The following PCED1B variants were observed in gnomAD, a reference collection of about 807,000 sequenced individuals.
PCED1B encodes PC-esterase domain containing 1B.
For missense variants in PCED1B, 573 were observed against 573.9 expected (o/e 1.00, Z 0.02); for synonymous variants, 251 against 246.1 (o/e 1.02, Z -0.19).
At position 47,227,468 on chromosome 12, in the gene PCED1B, C is replaced by T. The variant is rs542250459; in HGVS notation, c.-57-7539C>T. Among the ~76,000 whole-genome samples the T allele has an allele frequency of 5.3e-4, 80 of 152,188 alleles. 1 individual carries two copies. In the South Asian group the frequency reaches 0.014, roughly 26 times the overall value. On this transcript the variant is annotated intron_variant, in intron 3 of 3. Transcript: ENST00000546455. ...GCTTACAGGCGAGAGCCACCGTGCCCGGCCCCATTTCGGGTTCTAACTGGA... is the reference window on the plus strand; with the variant it reads ...GCTTACAGGCGAGAGCCACCGTGCCTGGCCCCATTTCGGGTTCTAACTGGA...
intron 2 of PCED1B, among the ~76,000 whole-genome samples, chr12:47,170,991 C>A (rs1565580524): frequency 1.3e-5 from 2 of 150,612 alleles, no homozygotes. Flanking sequence ...CCAAATCACT[C>A]TTTTTTTCAC....
At chr12:47,162,767 T>A (rs1941427797) in intron 2 of PCED1B, among the ~76,000 whole-genome samples, 1 of 152,230 alleles carries the variant, frequency 6.6e-6, no homozygotes, top group African/African-American at 2.4e-5. Flanking sequence ...TAATAAGGCA[T>A]CTACGACCAT....
intron 2 of PCED1B, among the ~76,000 whole-genome samples, chr12:47,139,882 TC>T (rs1940527820): frequency 6.6e-6 from 1 of 152,080 alleles, no homozygotes; most frequent in South Asian, 2.1e-4. Context: ...TGTGTATGTA[TC>T]TGTGTGGTGT....
intron 1 of PCED1B, among the ~76,000 whole-genome samples, chr12:47,089,959 G>T (rs1364912708): frequency 6.6e-6 from 1 of 152,154 alleles, no homozygotes; most frequent in South Asian, 2.1e-4. Context: ...TTTCAGCAGA[G>T]ACAGGGTTTC....
rs187440217 is a variant in PCED1B at position 47,098,374 on chromosome 12, A to G, written c.-608-5739A>G. Among the ~76,000 whole-genome samples the G allele has an allele frequency of 1.9e-3, 290 of 152,384 alleles. 2 individuals are homozygous for G. Among genetic ancestry groups the G allele is most frequent in the Admixed American group, 4.6e-3 (71 of 15,308 alleles). On this transcript the variant is annotated intron_variant, in intron 1 of 3. Coordinates refer to ENST00000546455, the MANE Select transcript of PCED1B (RefSeq NM_138371.3). ...ACAACTAAAGCTACTTAAGAGCAAG[A>G]TTATAAATAGACAAAGCCAAAGTCT... is the stretch of plus-strand genomic sequence containing the variant.
chr12:47,123,689 C>A (rs1306715830), intron 2 of PCED1B, among the ~76,000 whole-genome samples: 1 of 152,040 alleles, frequency 6.6e-6, no homozygotes, highest in African/African-American at 2.4e-5. Context: ...AATGAGTGTT[C>A]TAAACACAGA....
At chr12:47,149,385 G>A (rs1220327785) in intron 2 of PCED1B, among the ~76,000 whole-genome samples, 1 of 152,158 alleles carries the variant, frequency 6.6e-6, no homozygotes, top group African/African-American at 2.4e-5. Flanking sequence ...GAGAAGCAGC[G>A]CAATAGTTGC....
At chr12:47,215,339 C>T (rs1943221651) in intron 2 of PCED1B, among the ~76,000 whole-genome samples, 2 of 151,382 alleles carry the variant, frequency 1.3e-5, no homozygotes, top group South Asian at 4.2e-4. Flanking sequence ...CTGCAACCTC[C>T]GCCTCCTGGG....
rs750761520 is a variant in PCED1B at position 47,235,961 on chromosome 12, C to T, written c.898C>T (p.Arg300Cys). 36 of 1,612,362 alleles carry T rather than the reference C, an allele frequency of 2.2e-5. No individual in the cohort carries two copies. Among genetic ancestry groups the T allele is most frequent in the Non-Finnish European group, 2.8e-5 (33 of 1,179,254 alleles). The stretch of plus-strand genomic sequence containing the variant: ...CCCACCCTTACCTTCCCCCACATAC[C>T]GCCCCCTGCTTGGGTTCCCACCCCA... ...LSPPLPSPTY[R>C]PLLGFPPQRL... The change falls in exon 4 of 4, where the codon CGC becomes TGC. Residue 300 changes from arginine (R) to cysteine (C), a missense_variant. Physicochemically the swap from Arg to Cys is radical, Grantham distance 180 (BLOSUM62 -3). Coordinates refer to ENST00000546455, the MANE Select transcript of PCED1B (RefSeq NM_138371.3).
intron 2 of PCED1B, among the ~76,000 whole-genome samples, chr12:47,112,544 G>A (rs187667397): frequency 8.5e-5 from 13 of 152,262 alleles, no homozygotes; most frequent in Non-Finnish European, 1.5e-4. Flanking sequence ...TTAACAAAAC[G>A]GTGATTTTAG....
intron 1 of PCED1B, among the ~76,000 whole-genome samples, chr12:47,088,206 G>T (rs1456842559): frequency 6.6e-6 from 1 of 152,188 alleles, no homozygotes; most frequent in Non-Finnish European, 1.5e-5. Flanking sequence ...GTGGTCTGAC[G>T]CAGCACAGAT....
intron 2 of PCED1B, among the ~76,000 whole-genome samples, chr12:47,134,628 G>A (rs1003971621): frequency 6.6e-6 from 1 of 152,192 alleles, no homozygotes; most frequent in Non-Finnish European, 1.5e-5. Context: ...CCAGCACTTT[G>A]GGAGGCTGAG....
At chr12:47,114,481 C>T (rs7974515) in intron 2 of PCED1B, among the ~76,000 whole-genome samples, 2,144 of 152,288 alleles carry the variant, frequency 0.014, 54 homozygotes, top group African/African-American at 0.048. Context: ...CCTTAGAACC[C>T]CTGCACCAGA....
Position 47,230,946 on chromosome 12 carries a change from A to G in PCED1B, c.-57-4061A>G, listed in dbSNP as rs139068602. On this transcript the variant is annotated intron_variant, in intron 3 of 3. Coordinates refer to ENST00000546455, the MANE Select transcript of PCED1B (RefSeq NM_138371.3). The stretch of plus-strand genomic sequence containing the variant: ...TTTACGTTTAATCCTCACATCAGAT[A>G]TATGAAGTGTACTAATAGGTGCATT... Among the ~76,000 whole-genome samples the G allele has an allele frequency of 4.8e-3, 727 of 152,338 alleles. 2 individuals are homozygous for G. The highest frequency in any genetic ancestry group is 0.016 in the African/African-American group (678 of 41,574).
intron 2 of PCED1B, among the ~76,000 whole-genome samples, chr12:47,158,467 A>G (rs1204193795): frequency 6.6e-6 from 1 of 152,132 alleles, no homozygotes; most frequent in Non-Finnish European, 1.5e-5. Flanking sequence ...AGAAATGCCT[A>G]TAAAGTCTTT....
intron 2 of PCED1B, among the ~76,000 whole-genome samples, chr12:47,180,993 T>C (rs562108693): frequency 1.8e-4 from 9 of 48,946 alleles, no homozygotes; most frequent in Non-Finnish European, 2.4e-4. Flanking sequence ...GTATTCTCTT[T>C]TTCTTTCTTT....
chr12:47,187,703 G>A (rs988981967), intron 2 of PCED1B: 2 of 152,898 alleles, frequency 1.3e-5, no homozygotes, highest in African/African-American at 4.8e-5. Context: ...AACTCTGCAA[G>A]TTCTAGAATT....
At chr12:47,197,538 G>A (rs1449138546) in intron 2 of PCED1B, among the ~76,000 whole-genome samples, 6 of 151,704 alleles carry the variant, frequency 4.0e-5, no homozygotes, top group Non-Finnish European at 7.4e-5. Flanking sequence ...AACCCAAAAG[G>A]CGGAGGTTGT....
chr12:47,112,348 T>C (rs1010568983), intron 2 of PCED1B, among the ~76,000 whole-genome samples: 2 of 152,220 alleles, frequency 1.3e-5, no homozygotes, highest in African/African-American at 2.4e-5. Flanking sequence ...TCTTGATTGT[T>C]TAAAGACTAA....
Sources: allele counts gnomAD v4.1 joint callset (sites outside exome capture counted in the v4.1 genomes callset), GRCh38; gene constraint gnomAD v4.1.1; transcripts MANE v1.5; gene names NCBI Gene and HGNC (gene_info 2026-07-23, HGNC 2026-07-21).